The following RAPGEF4 variants were observed in gnomAD, a reference collection of about 807,000 sequenced individuals.
RAPGEF4 encodes Rap guanine nucleotide exchange factor 4.
Under a neutral mutation model 147.9 loss-of-function variants are expected in RAPGEF4, and 66 were observed. The ratio of observed to expected loss-of-function variants is 0.45; its 90% CI spans 0.37 to 0.55. The LOEUF is 0.55. Ranked by LOEUF, RAPGEF4 falls within the 20% of genes least tolerant of loss-of-function variation. The probability of loss-of-function intolerance (pLI) is 0.00; values close to 1 mark genes in which losing one functional copy is unlikely to be tolerated. For missense variants in RAPGEF4, 1,071 were observed against 1,257.3 expected (o/e 0.85, Z 2.24); for synonymous variants, 419 against 442.7 (o/e 0.95, Z 0.67).
At chr2:173,041,429 T>C (rs1486802510) in intron 29 of RAPGEF4, among the ~76,000 whole-genome samples, 1 of 152,142 alleles carries the variant, frequency 6.6e-6, no homozygotes. Context: ...CAAAACAACA[T>C]AATGTGTGGA....
chr2:172,748,411 G>C lies in RAPGEF4; in HGVS notation c.65+12363G>C, dbSNP rs374825166. Reference sequence around the variant, plus strand: ...TTATAATCATGGCAGAAGGTGAAAGGCATGTCTTACATTAGTGGCAGGCAA... The same window carrying C: ...TTATAATCATGGCAGAAGGTGAAAGCCATGTCTTACATTAGTGGCAGGCAA... On this transcript the variant is annotated intron_variant, in intron 1 of 30. Coordinates refer to ENST00000397081, the MANE Select transcript of RAPGEF4 (RefSeq NM_007023.4). Among the ~76,000 whole-genome samples the C allele has an allele frequency of 3.3e-4, 50 of 152,150 alleles. 1 individual carries two copies. The highest frequency in any genetic ancestry group is 5.7e-4 in the Non-Finnish European group (39 of 68,032).
chr2:172,964,825 A>G (rs372158729), intron 8 of RAPGEF4, among the ~76,000 whole-genome samples: 2 of 152,128 alleles, frequency 1.3e-5, no homozygotes, highest in African/African-American at 4.8e-5. Flanking sequence ...CAAATATGTG[A>G]GTGTATATAC....
intron 3 of RAPGEF4, among the ~76,000 whole-genome samples, chr2:172,812,549 C>T (rs1688124241): frequency 6.6e-6 from 1 of 152,130 alleles, no homozygotes. Flanking sequence ...TGTTTGGTGA[C>T]AAACTACTCG....
Position 173,026,559 on chromosome 2 carries a change from T to C in RAPGEF4, c.2254-13T>C. The C allele has an allele frequency of 6.2e-7, 1 of 1,610,674 alleles. No homozygotes were observed. The highest frequency in any genetic ancestry group is 8.5e-7 in the Non-Finnish European group (1 of 1,178,614). Reference sequence around the variant, plus strand: ...GTTGAGTTTCTGATATGTTTTTGCATTATTATTCATAGACTCCCTTACCAG... The same window carrying C: ...GTTGAGTTTCTGATATGTTTTTGCACTATTATTCATAGACTCCCTTACCAG... On this transcript the variant is annotated splice_polypyrimidine_tract_variant and intron_variant, in intron 23 of 30. Coordinates refer to ENST00000397081, the MANE Select transcript of RAPGEF4 (RefSeq NM_007023.4).
intron 4 of RAPGEF4, among the ~76,000 whole-genome samples, chr2:172,859,883 T>C (rs984512870): frequency 6.6e-6 from 1 of 152,164 alleles, no homozygotes; most frequent in Admixed American, 6.5e-5. Flanking sequence ...CCTATCCTTT[T>C]GCGACTCTGA....
At chr2:172,842,236 A>G (rs1025496942) in intron 4 of RAPGEF4, among the ~76,000 whole-genome samples, 1 of 152,220 alleles carries the variant, frequency 6.6e-6, no homozygotes, top group African/African-American at 2.4e-5. Flanking sequence ...GTGCTATTCA[A>G]GCTTCAAGCT....
chr2:172,803,341 C>T (rs1687161113), intron 3 of RAPGEF4, among the ~76,000 whole-genome samples: 3 of 152,220 alleles, frequency 2.0e-5, no homozygotes, highest in South Asian at 4.1e-4. Context: ...GACTTCTGTA[C>T]ATCTGCAGGC....
In RAPGEF4 at chr2:172,924,655, C is replaced by T. The variant is rs1238101998; in HGVS notation, c.537+2355C>T. 2.6e-5 allele frequency among the ~76,000 whole-genome samples: 4 copies of T among 152,086 alleles called. No individual in the cohort carries two copies. In the South Asian group the frequency reaches 6.2e-4, roughly 24 times the overall value. ...AAGACATTCGTGAGCAAAGTTGAAG[C>T]GCTAGAAAGATAAAAAGAAGCTTAA... On this transcript the variant is annotated intron_variant, in intron 6 of 30. Coordinates refer to ENST00000397081, the MANE Select transcript of RAPGEF4 (RefSeq NM_007023.4).
At chr2:173,011,159 A>AGCGCACGC (rs71403348) in intron 17 of RAPGEF4, among the ~76,000 whole-genome samples, 21 of 128,416 alleles carry the variant, frequency 1.6e-4, no homozygotes, top group South Asian at 1.2e-3. Context: ...TTGGAACTTC[A>AGCGCACGC]GCGCGCGCGC....
At chr2:172,939,910 T>A (rs1379032582) in intron 6 of RAPGEF4, among the ~76,000 whole-genome samples, 2 of 152,178 alleles carry the variant, frequency 1.3e-5, no homozygotes, top group Admixed American at 6.5e-5. Flanking sequence ...TTGTCTTTGT[T>A]CCTTTGTAAA....
chr2:172,902,729 T>G (rs1052376270), intron 4 of RAPGEF4, among the ~76,000 whole-genome samples: 1 of 152,178 alleles, frequency 6.6e-6, no homozygotes, highest in Admixed American at 6.5e-5. Context: ...ATATAAAGTA[T>G]GGGCCTGGGT....
chr2:172,738,660 T>C (rs989370191), intron 1 of RAPGEF4, among the ~76,000 whole-genome samples: 1 of 152,224 alleles, frequency 6.6e-6, no homozygotes, highest in African/African-American at 2.4e-5. Flanking sequence ...TTTTTTATTA[T>C]GGACATTTTC....
At chr2:172,946,052 G>A (rs1253080366) in intron 6 of RAPGEF4, among the ~76,000 whole-genome samples, 2 of 150,734 alleles carry the variant, frequency 1.3e-5, no homozygotes, top group African/African-American at 4.9e-5. Context: ...AATACTACTA[G>A]CAAATCATTA....
chr2:172,958,380 AC>A (rs1688954289), intron 6 of RAPGEF4, among the ~76,000 whole-genome samples: 1 of 152,232 alleles, frequency 6.6e-6, no homozygotes, highest in Non-Finnish European at 1.5e-5. Flanking sequence ...GGAACTCACA[AC>A]TTAGAAATAT....
rs1424497666 is a variant in RAPGEF4, at chr2:173,042,797, A to G, written c.2854-5803A>G. Among the ~76,000 whole-genome samples the G allele has an allele frequency of 2.0e-5, 3 of 152,204 alleles. No individual in the cohort carries two copies. The highest frequency in any genetic ancestry group is 4.4e-5 in the Non-Finnish European group (3 of 68,040). On this transcript the variant is annotated intron_variant, in intron 29 of 30. Coordinates refer to ENST00000397081, the MANE Select transcript of RAPGEF4 (RefSeq NM_007023.4). The surrounding 1 kb of genome is among the most constrained non-coding windows in gnomAD (Gnocchi z 4.2). ...TCCTCCAGTGTCCCTCCCTGAGTACATAGAGGTATACATGCTCTACACGTG... is the reference window on the plus strand; with the variant it reads ...TCCTCCAGTGTCCCTCCCTGAGTACGTAGAGGTATACATGCTCTACACGTG...
intron 1 of RAPGEF4, among the ~76,000 whole-genome samples, chr2:172,772,479 G>C (rs1370108757): frequency 6.6e-6 from 1 of 151,876 alleles, no homozygotes; most frequent in African/African-American, 2.4e-5. Flanking sequence ...GAGTACCTGG[G>C]ATTACAGGCG....
chr2:172,926,867 G>A (rs1196235701), intron 6 of RAPGEF4, among the ~76,000 whole-genome samples: 1 of 152,186 alleles, frequency 6.6e-6, no homozygotes, highest in Non-Finnish European at 1.5e-5. Flanking sequence ...ACCGCGCCCA[G>A]CCCGAGGTCC....
Position 172,794,347 on chromosome 2 carries a change from CAAAAAAA to C in RAPGEF4, c.66-666_66-660del, listed in dbSNP as rs59850502. Among the ~76,000 whole-genome samples the C allele has an allele frequency of 2.0e-3, 201 of 101,918 alleles. 1 individual carries two copies. Among genetic ancestry groups the C allele is most frequent in the Non-Finnish European group, 2.8e-3 (141 of 50,910 alleles). The allele number at this position is 101,918 out of a possible 152,430, so 66.9% of individuals were successfully genotyped here. On this transcript the variant is annotated intron_variant, in intron 1 of 30. Transcript: ENST00000397081. Reference sequence around the variant, plus strand: ...GGGCAACAAAAGTGAAACTCCATCTCAAAAAAAAAAAAAAAAAAGAAAAAAGAAAAAA... The same window carrying C: ...GGGCAACAAAAGTGAAACTCCATCTCAAAAAAAAAAAGAAAAAAGAAAAAA...
intron 4 of RAPGEF4, among the ~76,000 whole-genome samples, chr2:172,899,499 G>A (rs1455657897): frequency 2.0e-5 from 3 of 152,258 alleles, no homozygotes; most frequent in South Asian, 2.1e-4. Flanking sequence ...AGGGAAGTCC[G>A]GTGTGGAGAA....
Sources: allele counts gnomAD v4.1 joint callset (sites outside exome capture counted in the v4.1 genomes callset), GRCh38; gene constraint gnomAD v4.1.1; non-coding constraint Gnocchi (gnomAD v3.1); transcripts MANE v1.5; gene names NCBI Gene and HGNC (gene_info 2026-07-23, HGNC 2026-07-21).